The following SLC9A9 variants were observed in gnomAD, a reference collection of about 807,000 sequenced individuals.
The protein encoded by SLC9A9 is sodium/hydrogen exchanger 9.
A neutral mutation model predicts 77.8 loss-of-function variants in SLC9A9; 62 were observed. That is an observed-to-expected ratio of 0.80 (90% CI 0.65 to 0.98). The LOEUF is 0.98. Among genes scored for constraint, SLC9A9 ranks in the 50% least tolerant of loss-of-function variants. The pLI, the probability that SLC9A9 is intolerant of heterozygous loss-of-function variation, is 0.00. For missense variants in SLC9A9, 775 were observed against 774.9 expected, an observed-to-expected ratio of 1.00 and a Z score of 0.00; for synonymous variants, 320 against 283.5, an observed-to-expected ratio of 1.13 and a Z score of -1.29.
intron 6 of SLC9A9, among the ~76,000 whole-genome samples, chr3:143,646,661 G>A (rs2038712380): frequency 6.6e-6 from 1 of 152,094 alleles, no homozygotes; most frequent in South Asian, 2.1e-4. Context: ...TCTCCATGGA[G>A]AGACTATTGC....
chr3:143,410,863 C>T (rs1456847941), intron 12 of SLC9A9, among the ~76,000 whole-genome samples: 3 of 152,028 alleles, frequency 2.0e-5, no homozygotes, highest in African/African-American at 7.2e-5. Context: ...GACTAGATAA[C>T]ATTAAATTTT....
chr3:143,645,288 A>G (rs1433197032), intron 6 of SLC9A9, among the ~76,000 whole-genome samples: 1 of 152,198 alleles, frequency 6.6e-6, no homozygotes, highest in Non-Finnish European at 1.5e-5. Flanking sequence ...TTACCAAGAG[A>G]AAAAATGGAA....
At chr3:143,612,136 G>A (rs1375847245) in intron 6 of SLC9A9, among the ~76,000 whole-genome samples, 1 of 152,220 alleles carries the variant, frequency 6.6e-6, no homozygotes, top group Non-Finnish European at 1.5e-5. Flanking sequence ...TGCCCCTATA[G>A]AGGGTGGGTC....
At chr3:143,469,874 A>G (rs1410292025) in intron 11 of SLC9A9, among the ~76,000 whole-genome samples, 2 of 152,238 alleles carry the variant, frequency 1.3e-5, no homozygotes, top group Non-Finnish European at 2.9e-5. Context: ...AGTAGATATT[A>G]ATAAAAAAGT....
intron 5 of SLC9A9, among the ~76,000 whole-genome samples, chr3:143,685,928 G>T (rs975966628): frequency 2.0e-5 from 3 of 152,158 alleles, no homozygotes; most frequent in African/African-American, 7.2e-5. Context: ...CAAGAGGAAA[G>T]GCACATATCT....
intron 14 of SLC9A9, among the ~76,000 whole-genome samples, chr3:143,351,683 T>C (rs2032459888): frequency 6.6e-6 from 1 of 152,144 alleles, no homozygotes; most frequent in Non-Finnish European, 1.5e-5. Context: ...TATGTACTCA[T>C]CATAAACTTG....
In SLC9A9 at chr3:143,266,183, T is replaced by C; in HGVS notation, c.*519A>G. On this transcript the variant is annotated 3_prime_UTR_variant, in exon 16 of 16. Coordinates refer to ENST00000316549, the MANE Select transcript of SLC9A9 (RefSeq NM_173653.4). ...GTGGGTACGGAACACTTCTCTGGGCTCTGCCCTGGGGTCACTGAGAGCAAA... is the reference window on the plus strand; with the variant it reads ...GTGGGTACGGAACACTTCTCTGGGCCCTGCCCTGGGGTCACTGAGAGCAAA... The C allele has an allele frequency of 1.4e-6, 1 of 696,560 alleles. No homozygotes were observed. Among genetic ancestry groups the C allele is most frequent in the Non-Finnish European group, 2.6e-6 (1 of 382,268 alleles). The allele number at this position is 696,560 out of a possible 1,614,324, so 43.1% of individuals were successfully genotyped here.
chr3:143,297,144 TAC>T (rs1285207325), intron 14 of SLC9A9, among the ~76,000 whole-genome samples: 2 of 152,258 alleles, frequency 1.3e-5, no homozygotes. Flanking sequence ...CTAGGAGTTT[TAC>T]AGTTTCAGGT....
intron 8 of SLC9A9, among the ~76,000 whole-genome samples, chr3:143,563,402 A>G (rs1240775045): frequency 6.6e-6 from 1 of 152,158 alleles, no homozygotes; most frequent in Non-Finnish European, 1.5e-5. Flanking sequence ...TCAAACTTCA[A>G]TATGTGGTTG....
intron 6 of SLC9A9, among the ~76,000 whole-genome samples, chr3:143,598,852 G>A (rs1427371526): frequency 2.6e-5 from 4 of 152,188 alleles, no homozygotes; most frequent in Admixed American, 6.5e-5. Flanking sequence ...GCACCAATAA[G>A]GACAAAAAGA....
At chr3:143,390,147 G>T (rs1416535912) in intron 12 of SLC9A9, among the ~76,000 whole-genome samples, 6 of 152,214 alleles carry the variant, frequency 3.9e-5, no homozygotes, top group African/African-American at 1.4e-4. Context: ...TTCCAAGGTT[G>T]CCCATATGCC....
chr3:143,441,080 C>A (rs2034724869), intron 12 of SLC9A9, among the ~76,000 whole-genome samples: 1 of 152,276 alleles, frequency 6.6e-6, no homozygotes, highest in Non-Finnish European at 1.5e-5. Context: ...ACCTTTCCAA[C>A]CTTCCTCCCT....
intron 12 of SLC9A9, among the ~76,000 whole-genome samples, chr3:143,425,310 C>G (rs960600193): frequency 6.0e-5 from 7 of 116,080 alleles, no homozygotes; most frequent in East Asian, 2.7e-4. Context: ...CGTATCAGGA[C>G]AAAATATTGT....
intron 2 of SLC9A9, among the ~76,000 whole-genome samples, chr3:143,805,683 G>C (rs1017267733): frequency 6.6e-6 from 1 of 151,976 alleles, no homozygotes; most frequent in African/African-American, 2.4e-5. Context: ...TCCTTCTCCT[G>C]GCTCATCCTG....
At chr3:143,650,975 T>A (rs571417222) in intron 6 of SLC9A9, among the ~76,000 whole-genome samples, 3 of 152,370 alleles carry the variant, frequency 2.0e-5, no homozygotes, top group African/African-American at 7.2e-5. Context: ...CCTGGTTGTG[T>A]CGGCATGATT....
intron 14 of SLC9A9, among the ~76,000 whole-genome samples, chr3:143,283,963 A>G (rs1938299502): frequency 6.6e-6 from 1 of 152,136 alleles, no homozygotes; most frequent in African/African-American, 2.4e-5. Flanking sequence ...GACTCATGAT[A>G]TGATCATTCT....
intron 9 of SLC9A9, among the ~76,000 whole-genome samples, chr3:143,524,298 G>A (rs1182621706): frequency 1.3e-5 from 2 of 151,944 alleles, no homozygotes; most frequent in African/African-American, 4.8e-5. Flanking sequence ...AAGAGGAGAG[G>A]GATAGAGGCT....
At chr3:143,276,923 A>T (rs1024786673) in intron 14 of SLC9A9, among the ~76,000 whole-genome samples, 1 of 152,220 alleles carries the variant, frequency 6.6e-6, no homozygotes, top group Non-Finnish European at 1.5e-5. Context: ...AGGGATGATT[A>T]AGTATTAATA....
At chr3:143,822,219 G>A (rs1483702279) in intron 2 of SLC9A9, among the ~76,000 whole-genome samples, 2 of 152,098 alleles carry the variant, frequency 1.3e-5, no homozygotes, top group African/African-American at 4.8e-5. Flanking sequence ...TACCCACTCA[G>A]GCTTCCTTCC....
Sources: gnomAD v4.1 joint callset for allele counts (sites outside exome capture counted in the v4.1 genomes callset) on GRCh38, gnomAD v4.1.1 for gene constraint, MANE v1.5 for transcripts, NCBI Gene and HGNC (gene_info 2026-07-23, HGNC 2026-07-21) for gene names.